Variants in FANCC observed in about 807,000 individuals in gnomAD.
The protein encoded by FANCC is Fanconi anemia group C protein.
FANCC carries 55 observed loss-of-function variants against 71.3 expected under a neutral mutation model. That is an observed-to-expected ratio of 0.77 (90% CI 0.62 to 0.97). The LOEUF (loss-of-function observed/expected upper bound fraction) is 0.97. Ranked by LOEUF, FANCC falls within the 50% of genes least tolerant of loss-of-function variation. The pLI is 0.00. For synonymous variants in FANCC, 275 were observed against 244.9 expected (o/e 1.12, Z -1.15); for missense variants, 678 against 670.9 (o/e 1.01, Z -0.12).
chr9:95,233,695 G>A (rs1430218387), intron 4 of FANCC, among the ~76,000 whole-genome samples: 2 of 152,114 alleles, frequency 1.3e-5, no homozygotes, highest in Non-Finnish European at 2.9e-5. Context: ...GGTAGAATGT[G>A]GATTTTATCA....
chr9:95,132,878 T>C (rs1255448085), intron 8 of FANCC, among the ~76,000 whole-genome samples: 1 of 152,178 alleles, frequency 6.6e-6, no homozygotes, highest in East Asian at 1.9e-4. Flanking sequence ...AACTATAGAA[T>C]TTCCAGGACT....
At chr9:95,240,837 A>G (rs1830589960) in intron 3 of FANCC, 94 bp from the exon 4 acceptor site, 3 of 755,838 alleles carry the variant, frequency 4.0e-6, no homozygotes, top group Non-Finnish European at 7.0e-6. Context: ...ATCTCAAACT[A>G]CTAAGTTCAC....
At chr9:95,260,586 T>G (rs1208076471) in intron 1 of FANCC, among the ~76,000 whole-genome samples, 1 of 151,610 alleles carries the variant, frequency 6.6e-6, no homozygotes, top group East Asian at 2.0e-4. Flanking sequence ...AAATACCTAA[T>G]GTAGATGACA....
chr9:95,300,223 A>G (rs1205763243), intron 1 of FANCC, among the ~76,000 whole-genome samples: 1 of 152,232 alleles, frequency 6.6e-6, no homozygotes, highest in Non-Finnish European at 1.5e-5. Context: ...AAACTGGATC[A>G]TGAAATTTAA....
intron 4 of FANCC, among the ~76,000 whole-genome samples, chr9:95,178,845 T>C (rs1462110112): frequency 2.0e-5 from 3 of 152,308 alleles, no homozygotes; most frequent in Admixed American, 2.0e-4. Flanking sequence ...TAGGAAGCTA[T>C]GAAAATTATC....
At chr9:95,209,452 A>G (rs572066868) in intron 4 of FANCC, among the ~76,000 whole-genome samples, 1 of 152,302 alleles carries the variant, frequency 6.6e-6, no homozygotes, top group Non-Finnish European at 1.5e-5. Context: ...GACTGTTGAT[A>G]ACAGGGGAGG....
intron 9 of FANCC, among the ~76,000 whole-genome samples, chr9:95,125,734 T>C (rs746230438): frequency 1.6e-4 from 24 of 152,208 alleles, no homozygotes; most frequent in Non-Finnish European, 3.1e-4. Flanking sequence ...TGGTGAGTTA[T>C]TGTCACAGTA....
At chr9:95,145,421 G>A (rs1013534642) in intron 7 of FANCC, 3 of 152,080 alleles carry the variant, frequency 2.0e-5, no homozygotes, top group Admixed American at 6.6e-5. Context: ...TTGAACAGGC[G>A]GACAGACAGC....
chr9:95,239,836 T>C (rs1357617776), intron 4 of FANCC, among the ~76,000 whole-genome samples: 4 of 152,162 alleles, frequency 2.6e-5, no homozygotes, highest in Non-Finnish European at 4.4e-5. Flanking sequence ...GTCAGACTGA[T>C]AGACAAAACC....
At chr9:95,298,669 G>C (rs923548874) in intron 1 of FANCC, among the ~76,000 whole-genome samples, 4 of 152,198 alleles carry the variant, frequency 2.6e-5, no homozygotes, top group African/African-American at 7.2e-5. Flanking sequence ...TCAATTAGCA[G>C]ACCTGTAGCC....
chr9:95,193,427 C>T (rs1827232008), intron 4 of FANCC, among the ~76,000 whole-genome samples: 2 of 152,150 alleles, frequency 1.3e-5, no homozygotes, highest in Non-Finnish European at 2.9e-5. Flanking sequence ...ATCCTGTATG[C>T]TGTGGTAACA....
intron 1 of FANCC, among the ~76,000 whole-genome samples, chr9:95,277,593 A>G (rs1833122842): frequency 6.6e-6 from 1 of 152,244 alleles, no homozygotes; most frequent in Admixed American, 6.5e-5. Flanking sequence ...AGATAAATGC[A>G]ATGAGATCCA....
At chr9:95,291,967 A>ATATATATAT (rs1554869938) in intron 1 of FANCC, among the ~76,000 whole-genome samples, 5 of 50,428 alleles carry the variant, frequency 9.9e-5, no homozygotes, top group South Asian at 1.7e-3. Context: ...AAAAAAAAAA[A>ATATATATAT]ATATATATAT....
chr9:95,215,567 G>A (rs1233348542), intron 4 of FANCC, among the ~76,000 whole-genome samples: 2 of 152,188 alleles, frequency 1.3e-5, no homozygotes, highest in Non-Finnish European at 2.9e-5. Flanking sequence ...ATCTGAGTGG[G>A]GTAGTATGAC....
intron 1 of FANCC, among the ~76,000 whole-genome samples, chr9:95,253,017 C>T (rs1228291125): frequency 2.0e-5 from 3 of 151,676 alleles, no homozygotes; most frequent in East Asian, 1.9e-4. Context: ...AGGATAGCAC[C>T]ACTGCACTCC....
chr9:95,307,127 T>G (rs1368063453), intron 1 of FANCC, among the ~76,000 whole-genome samples: 1 of 152,156 alleles, frequency 6.6e-6, no homozygotes, highest in Non-Finnish European at 1.5e-5. Flanking sequence ...TCAAGTGATC[T>G]GCCCACCTCT....
intron 1 of FANCC, among the ~76,000 whole-genome samples, chr9:95,315,182 T>C (rs1835665372): frequency 6.6e-6 from 1 of 152,218 alleles, no homozygotes; most frequent in Admixed American, 6.5e-5. Flanking sequence ...GTAAAACCAT[T>C]GCCTGCTAGC....
intron 1 of FANCC, among the ~76,000 whole-genome samples, chr9:95,308,773 C>T (rs1317977674): frequency 1.3e-5 from 2 of 152,078 alleles, no homozygotes; most frequent in Non-Finnish European, 2.9e-5. Context: ...ATGAAGATAC[C>T]TGAAACTTTG....
At chr9:95,254,079 C>T (rs1255689388) in intron 1 of FANCC, among the ~76,000 whole-genome samples, 2 of 152,094 alleles carry the variant, frequency 1.3e-5, no homozygotes, top group East Asian at 3.9e-4. Context: ...CTTGGGGAAC[C>T]CTGCTTTAGA....
Sources: allele counts gnomAD v4.1 joint callset (sites outside exome capture counted in the v4.1 genomes callset), GRCh38; gene constraint gnomAD v4.1.1; transcripts MANE v1.5; gene names NCBI Gene and HGNC (gene_info 2026-07-23, HGNC 2026-07-21).